Variants in ETV6 observed in about 807,000 individuals in gnomAD.
The protein encoded by ETV6 is ETS variant transcription factor 6.
Under a neutral mutation model 51.1 loss-of-function variants are expected in ETV6, and 16 were observed. The observed-to-expected ratio is 0.31, with a 90% CI of 0.21 to 0.48. The LOEUF is 0.48. ETV6 is among the 20% of genes least tolerant of loss of function. ETV6 has a pLI of 0.99. For missense variants in ETV6, 458 were observed against 594.8 expected (o/e 0.77, Z 2.39); for synonymous variants, 240 against 224.1 (o/e 1.07, Z -0.64).
At chr12:11,742,867 C>T (rs1295101922) in intron 1 of ETV6, among the ~76,000 whole-genome samples, 2 of 140,690 alleles carry the variant, frequency 1.4e-5, no homozygotes, top group Non-Finnish European at 3.0e-5. Flanking sequence ...AGTGCAGTAG[C>T]ACAATCACAG....
At chr12:11,845,197 A>G (rs952770371) in intron 3 of ETV6, among the ~76,000 whole-genome samples, 3 of 152,228 alleles carry the variant, frequency 2.0e-5, no homozygotes, top group African/African-American at 7.2e-5. Context: ...CCCTGTTGTC[A>G]TATACTTGAA....
chr12:11,735,945 A>G (rs964087273), intron 1 of ETV6, among the ~76,000 whole-genome samples: 1 of 152,212 alleles, frequency 6.6e-6, no homozygotes, highest in Non-Finnish European at 1.5e-5. Context: ...CTGAATCCCA[A>G]GTTTTTAGTC....
chr12:11,886,287 A>G (rs531595870), intron 7 of ETV6, among the ~76,000 whole-genome samples: 1 of 152,358 alleles, frequency 6.6e-6, no homozygotes, highest in South Asian at 2.1e-4. Context: ...ACCAAATAAT[A>G]TTATGTGGCA....
chr12:11,871,793 C>A (rs1454997148), intron 5 of ETV6, among the ~76,000 whole-genome samples: 2 of 152,068 alleles, frequency 1.3e-5, no homozygotes, highest in Non-Finnish European at 2.9e-5. Flanking sequence ...GTGATAGATG[C>A]ATGGGGGTTA....
chr12:11,796,574 G>T (rs1231033042), intron 2 of ETV6, among the ~76,000 whole-genome samples: 1 of 152,070 alleles, frequency 6.6e-6, no homozygotes, highest in Non-Finnish European at 1.5e-5. Flanking sequence ...AAAGACACTG[G>T]CCATCCTAAA....
chr12:11,852,121 C>A (rs1481972331), intron 3 of ETV6, among the ~76,000 whole-genome samples: 1 of 152,146 alleles, frequency 6.6e-6, no homozygotes, highest in African/African-American at 2.4e-5. Context: ...GATTTATCAC[C>A]CACCCCCAAA....
chr12:11,846,862 G>A (rs1336362464), intron 3 of ETV6, among the ~76,000 whole-genome samples: 1 of 152,106 alleles, frequency 6.6e-6, no homozygotes, highest in African/African-American at 2.4e-5. Flanking sequence ...TTTGTTGTTT[G>A]TTTGTTTTTG....
At chr12:11,679,265 T>C (rs1565483439) in intron 1 of ETV6, among the ~76,000 whole-genome samples, 3 of 152,026 alleles carry the variant, frequency 2.0e-5, no homozygotes, top group East Asian at 1.9e-4. Context: ...ACTCTCAGCA[T>C]TGAAATCAAA....
At chr12:11,664,640 G>A (rs1033383119) in intron 1 of ETV6, among the ~76,000 whole-genome samples, 1 of 152,112 alleles carries the variant, frequency 6.6e-6, no homozygotes, top group African/African-American at 2.4e-5. Flanking sequence ...TTTGGTCCAC[G>A]ATGCACTAAC....
intron 2 of ETV6, among the ~76,000 whole-genome samples, chr12:11,797,933 A>G (rs922464943): frequency 6.6e-6 from 1 of 152,228 alleles, no homozygotes; most frequent in Non-Finnish European, 1.5e-5. Flanking sequence ...CTTATAATAT[A>G]AGATAGTTTT....
Position 11,869,707 on chromosome 12 carries a change from C to T in ETV6, c.747C>T (p.Ser249=), listed in dbSNP as rs376620291. ...AGAATAATCACTGCCCAGCGTCCTC[C>T]GAGTCCCACCCGAAGCCATCCAGCC... is the stretch of plus-strand genomic sequence containing the variant. ...PMENNHCPAS[S]ESHPKPSSPR... Residue 249 remains serine, a synonymous_variant, in exon 5 of 8, where the codon TCC becomes TCT. Transcript: ENST00000396373. This position sits in a 1 kb window ranked among gnomAD's most constrained non-coding sequence, Gnocchi z 5.0. 26 of 1,613,952 alleles carry T rather than the reference C, an allele frequency of 1.6e-5. No homozygotes were observed. Among genetic ancestry groups the T allele is most frequent in the African/African-American group, 4.0e-5 (3 of 74,920 alleles).
At chr12:11,839,649 G>A (rs2136464967) in intron 3 of ETV6, among the ~76,000 whole-genome samples, 1 of 152,360 alleles carries the variant, frequency 6.6e-6, no homozygotes, top group Middle Eastern at 3.4e-3. Context: ...GGAGGCCAAG[G>A]AGGGTGAATT....
intron 5 of ETV6, among the ~76,000 whole-genome samples, chr12:11,883,276 C>CTTCTTT (rs776231778): frequency 3.9e-4 from 31 of 79,114 alleles, no homozygotes; most frequent in African/African-American, 1.7e-3. Flanking sequence ...ATGTCTTCTT[C>CTTCTTT]TTTTTTTTTT....
intron 2 of ETV6, among the ~76,000 whole-genome samples, chr12:11,753,320 G>A (rs576318344): frequency 7.9e-5 from 12 of 152,304 alleles, no homozygotes; most frequent in Admixed American, 1.3e-4. Flanking sequence ...GTTGACACCT[G>A]CTGTGTCCTT....
Position 11,804,202 on chromosome 12 carries a change from G to A in ETV6, c.164-34938G>A, listed in dbSNP as rs541592426. Among the ~76,000 whole-genome samples, 10 of 152,238 alleles carry A rather than the reference G, an allele frequency of 6.6e-5. No individual in the cohort carries two copies. The South Asian group carries it at 2.1e-3, about 32-fold the overall frequency. On this transcript the variant is annotated intron_variant, in intron 2 of 7. Coordinates refer to ENST00000396373, the MANE Select transcript of ETV6 (RefSeq NM_001987.5). ...CTTCATGTTGCTTACAGTTTAATAGGGGAGATAAGTGTCTACCAAGGAATT... is the reference window on the plus strand; with the variant it reads ...CTTCATGTTGCTTACAGTTTAATAGAGGAGATAAGTGTCTACCAAGGAATT...
At chr12:11,854,708 T>C (rs1946605400) in intron 4 of ETV6, among the ~76,000 whole-genome samples, 1 of 152,152 alleles carries the variant, frequency 6.6e-6, no homozygotes, top group African/African-American at 2.4e-5. Context: ...AACTTTGATT[T>C]CTGGAATATG....
At chr12:11,805,479 CATTG>C (rs1291878842) in intron 2 of ETV6, among the ~76,000 whole-genome samples, 6 of 152,016 alleles carry the variant, frequency 3.9e-5, no homozygotes, top group African/African-American at 1.5e-4. Flanking sequence ...GAGGTAAAAG[CATTG>C]ATGTAGCAGT....
At chr12:11,871,773 A>G (rs765555114) in intron 5 of ETV6, among the ~76,000 whole-genome samples, 2 of 152,210 alleles carry the variant, frequency 1.3e-5, no homozygotes, top group Non-Finnish European at 2.9e-5. Context: ...GCTAGTGGCT[A>G]TATGTCTGGG....
At chr12:11,889,421 T>C (rs2136611767) in intron 7 of ETV6, among the ~76,000 whole-genome samples, 1 of 152,370 alleles carries the variant, frequency 6.6e-6, no homozygotes, top group East Asian at 1.9e-4. Context: ...TGAAGGTTTC[T>C]TGGTATAAGA....
Sources: allele counts gnomAD v4.1 joint callset (sites outside exome capture counted in the v4.1 genomes callset), GRCh38; gene constraint gnomAD v4.1.1; non-coding constraint Gnocchi (gnomAD v3.1); transcripts MANE v1.5; gene names NCBI Gene and HGNC (gene_info 2026-07-23, HGNC 2026-07-21).